The following TTBK2 variants were observed in gnomAD, a reference collection of about 807,000 sequenced individuals.
TTBK2 encodes tau tubulin kinase 2.
Under a neutral mutation model 110.8 loss-of-function variants are expected in TTBK2, and 28 were observed. The ratio of observed to expected loss-of-function variants is 0.25; its 90% CI spans 0.19 to 0.35. The LOEUF (loss-of-function observed/expected upper bound fraction) is 0.35. Ranked by LOEUF, TTBK2 falls within the 10% of genes least tolerant of loss-of-function variation. The probability of loss-of-function intolerance (pLI) is 1.00; values close to 1 mark genes in which losing one functional copy is unlikely to be tolerated. For synonymous variants in TTBK2, 532 were observed against 527.3 expected, an observed-to-expected ratio of 1.01 and a Z score of -0.12; for missense variants, 1,369 against 1,500.3, an observed-to-expected ratio of 0.91 and a Z score of 1.45.
intron 1 of TTBK2, among the ~76,000 whole-genome samples, chr15:42,885,907 A>G (rs1821082410): frequency 1.3e-5 from 2 of 152,158 alleles, no homozygotes; most frequent in South Asian, 4.1e-4. Flanking sequence ...CTTGGCCCCA[A>G]TACAAACTCG....
intron 13 of TTBK2, among the ~76,000 whole-genome samples, chr15:42,763,194 T>TATATATATATA (rs1567009148): frequency 2.4e-4 from 1 of 4,084 alleles, no homozygotes; most frequent in Non-Finnish European, 4.2e-4. Context: ...ATATATATAT[T>TATATATATATA]TTTTTTTTTT....
chr15:42,800,996 T>G, intron 9 of TTBK2: 1 of 762,418 alleles, frequency 1.3e-6, no homozygotes, highest in Non-Finnish European at 2.4e-6. Context: ...ACTCAGACAC[T>G]AGCTTCCCAT....
chr15:42,828,042 T>C lies in TTBK2; in HGVS notation c.433-10A>G. The C allele has an allele frequency of 6.3e-7, 1 of 1,598,162 alleles. No homozygotes were observed. The highest frequency in any genetic ancestry group is 8.6e-7 in the Non-Finnish European group (1 of 1,166,480). ...CCATAGCGAAGTTCGACTAGAAAAA[T>C]AAAGAAGGAAAATATATACATTCTT... is the stretch of plus-strand genomic sequence containing the variant. On this transcript the variant is annotated splice_polypyrimidine_tract_variant and intron_variant, in intron 5 of 14. Transcript: ENST00000267890.
intron 4 of TTBK2, among the ~76,000 whole-genome samples, chr15:42,837,649 C>A: frequency 8.6e-6 from 1 of 116,236 alleles, no homozygotes; most frequent in Non-Finnish European, 1.7e-5. Flanking sequence ...CAGAGTGAGA[C>A]TCTGTCTCAA....
Position 42,787,572 on chromosome 15 carries a change from G to A in TTBK2, c.981-3937C>T, listed in dbSNP as rs537183277. On this transcript the variant is annotated intron_variant, in intron 10 of 14. Coordinates refer to ENST00000267890, the MANE Select transcript of TTBK2 (RefSeq NM_173500.4). ...CATAGTTGCAAATATCTTCCCACAA[G>A]ATTATTTCTTACAAAGAGAAAAACA... Among the ~76,000 whole-genome samples, 4 of 152,194 alleles carry A rather than the reference G, an allele frequency of 2.6e-5. No individual in the cohort carries two copies. In the East Asian group the frequency reaches 7.7e-4, roughly 29 times the overall value.
rs144901355 is a variant in TTBK2, at chr15:42,785,010, G to A, written c.981-1375C>T. 2.3e-4 allele frequency among the ~76,000 whole-genome samples: 35 copies of A among 151,898 alleles called. No homozygotes were observed. The East Asian group carries it at 6.0e-3, about 26-fold the overall frequency. ...GACTATGACAAGAATGACCTAATTTGTATAATCAACTTTCGCAGTGCCATA... is the reference window on the plus strand; with the variant it reads ...GACTATGACAAGAATGACCTAATTTATATAATCAACTTTCGCAGTGCCATA... On this transcript the variant is annotated intron_variant, in intron 10 of 14. Coordinates refer to ENST00000267890, the MANE Select transcript of TTBK2 (RefSeq NM_173500.4).
In TTBK2 at chr15:42,856,918, G is replaced by A. The variant is rs369000576; in HGVS notation, c.217+15693C>T. 6.6e-5 allele frequency among the ~76,000 whole-genome samples: 10 copies of A among 152,014 alleles called. No individual in the cohort carries two copies. In the South Asian group the frequency reaches 1.0e-3, roughly 16 times the overall value. On this transcript the variant is annotated intron_variant, in intron 3 of 14. Transcript: ENST00000267890. ...TCTACTAAAACTATAAAAATCAGCC[G>A]GATGTGGTGGCACACACCTGTAATC...
rs1465462890 is a variant in TTBK2, at chr15:42,741,387, G to C, written c.*4408C>G. Reference sequence around the variant, plus strand: ...ACGCTGATACATAAGGACTACCATAGAAGTTACATGCCTTAATCCTGTAAT... The same window carrying C: ...ACGCTGATACATAAGGACTACCATACAAGTTACATGCCTTAATCCTGTAAT... On this transcript the variant is annotated 3_prime_UTR_variant, in exon 15 of 15. Coordinates refer to ENST00000267890, the MANE Select transcript of TTBK2 (RefSeq NM_173500.4). 2.6e-5 allele frequency: 4 copies of C among 152,210 alleles called. No homozygotes were observed. Among genetic ancestry groups the C allele is most frequent in the Admixed American group, 6.5e-5 (1 of 15,282 alleles). The allele number at this position is 152,210 out of a possible 1,614,324, so 9.4% of individuals were successfully genotyped here.
At position 42,828,735 on chromosome 15, in the gene TTBK2, A is replaced by AG. The variant is rs1448582807; in HGVS notation, c.433-704_433-703insC. Among the ~76,000 whole-genome samples, 3 of 151,942 alleles carry AG rather than the reference A, an allele frequency of 2.0e-5. No homozygotes were observed. In the East Asian group the frequency reaches 5.8e-4, roughly 29 times the overall value. On this transcript the variant is annotated intron_variant, in intron 5 of 14. Transcript: ENST00000267890. ...GAGACTCTGTCACAAAAAAAAAAAA[A>AG]AAAGATTTTCCTATAAGCATCATAA...
intron 10 of TTBK2, among the ~76,000 whole-genome samples, chr15:42,793,984 T>C (rs1209684977): frequency 6.6e-6 from 1 of 151,548 alleles, no homozygotes. Context: ...GGCACAATCA[T>C]AGCCCACTGC....
chr15:42,912,547 A>G (rs2141214128), intron 1 of TTBK2, among the ~76,000 whole-genome samples: 1 of 152,180 alleles, frequency 6.6e-6, no homozygotes, highest in South Asian at 2.1e-4. Flanking sequence ...CATCTCTACT[A>G]AAAATGCAAA....
chr15:42,846,986 C>G (rs1893494954), intron 3 of TTBK2, among the ~76,000 whole-genome samples: 1 of 152,204 alleles, frequency 6.6e-6, no homozygotes, highest in Non-Finnish European at 1.5e-5. Flanking sequence ...CTTCATCCAG[C>G]TGTTCATCTG....
chr15:42,824,747 G>GA (rs1159762214), intron 6 of TTBK2, among the ~76,000 whole-genome samples: 1 of 151,936 alleles, frequency 6.6e-6, no homozygotes, highest in African/African-American at 2.4e-5. Context: ...GAAAGGAGCA[G>GA]AAAAAATAAC....
At chr15:42,891,899 T>C (rs1895472094) in intron 1 of TTBK2, among the ~76,000 whole-genome samples, 1 of 152,136 alleles carries the variant, frequency 6.6e-6, no homozygotes, top group African/African-American at 2.4e-5. Context: ...GAGGTCTGCA[T>C]TAACTTGACG....
chr15:42,832,038 C>T (rs774150049), intron 4 of TTBK2, among the ~76,000 whole-genome samples: 5 of 152,042 alleles, frequency 3.3e-5, no homozygotes, highest in Non-Finnish European at 5.9e-5. Context: ...TACTTCGTAC[C>T]TTCTTTTTTA....
chr15:42,754,442 C>G (rs960140331), intron 13 of TTBK2, among the ~76,000 whole-genome samples: 1 of 151,530 alleles, frequency 6.6e-6, no homozygotes, highest in African/African-American at 2.4e-5. Flanking sequence ...GTCGCCCAGG[C>G]TGGAGTGCAA....
intron 13 of TTBK2, among the ~76,000 whole-genome samples, chr15:42,763,086 A>ATATATATATATG (rs2062055495): frequency 9.4e-6 from 1 of 106,816 alleles, no homozygotes; most frequent in Admixed American, 9.4e-5. Flanking sequence ...TAACAATTTT[A>ATATATATATATG]TATATATATA....
intron 3 of TTBK2, among the ~76,000 whole-genome samples, chr15:42,860,262 A>T (rs976866680): frequency 2.0e-5 from 3 of 152,070 alleles, no homozygotes; most frequent in Non-Finnish European, 2.9e-5. Context: ...AGTGGGATAA[A>T]TGCAAAACAA....
At chr15:42,843,795 C>T (rs1319260606) in intron 3 of TTBK2, among the ~76,000 whole-genome samples, 2 of 147,338 alleles carry the variant, frequency 1.4e-5, no homozygotes, top group Middle Eastern at 7.0e-3. Context: ...TTTGTAACTT[C>T]TCAATTGCCC....
Sources: allele counts gnomAD v4.1 joint callset (sites outside exome capture counted in the v4.1 genomes callset), GRCh38; gene constraint gnomAD v4.1.1; transcripts MANE v1.5; gene names NCBI Gene and HGNC (gene_info 2026-07-23, HGNC 2026-07-21).